The following SLIT1 variants were observed in gnomAD, a reference collection of about 807,000 sequenced individuals.
SLIT1 encodes the protein slit guidance ligand 1, also known as slit homolog 1 protein.
A neutral mutation model predicts 186.1 loss-of-function variants in SLIT1; 66 were observed. That is an observed-to-expected ratio of 0.35 (90% CI 0.29 to 0.44). The LOEUF (loss-of-function observed/expected upper bound fraction) is 0.44. Ranked by LOEUF, SLIT1 falls within the 20% of genes least tolerant of loss-of-function variation. The probability of loss-of-function intolerance (pLI) is 1.00; values close to 1 mark genes in which losing one functional copy is unlikely to be tolerated. For synonymous variants in SLIT1, 761 were observed against 833.8 expected (o/e 0.91, Z 1.50); for missense variants, 1,638 against 2,037.4 (o/e 0.80, Z 3.77).
chr10:97,135,591 C>T (rs954492071), intron 4 of SLIT1, among the ~76,000 whole-genome samples: 14 of 152,268 alleles, frequency 9.2e-5, no homozygotes, highest in African/African-American at 2.2e-4. Flanking sequence ...CCCGCTGGGC[C>T]GCCTGAGGCC....
rs918864988 is a variant in SLIT1, at chr10:97,002,224, C to G, written c.4300G>C (p.Ala1434Pro). 1.3e-6 allele frequency: 2 copies of G among 1,588,212 alleles called. No homozygotes were observed. The highest frequency in any genetic ancestry group is 1.7e-5 in the Admixed American group (1 of 57,596). ...GLQCLHGHCQ[A>P]SGTKGAHCVC... The stretch of plus-strand genomic sequence containing the variant: ...CAGTGTGCCCCCTTGGTGCCTGAGG[C>G]CTGGCAGTGGCCATGCAGGCACTGC... Residue 1434 changes from alanine (A) to proline (P), a missense_variant, in exon 36 of 37, where the codon GCC becomes CCC. Ala to Pro is a conservative substitution (Grantham distance 27, BLOSUM62 -1). Around this residue, in one of 3 missense-constraint regions of SLIT1, gnomAD observed 220 missense variants for 211.3 expected, o/e 1.04. Transcript: ENST00000266058.
At chr10:97,096,063 A>G (rs1589391182) in intron 4 of SLIT1, among the ~76,000 whole-genome samples, 1 of 152,046 alleles carries the variant, frequency 6.6e-6, no homozygotes, top group South Asian at 2.1e-4. Flanking sequence ...AGAATCTCTC[A>G]CCCTGAGTGA....
chr10:97,058,236 G>T (rs763730887), intron 11 of SLIT1: 218 of 620,066 alleles, frequency 3.5e-4, no homozygotes, highest in Non-Finnish European at 5.6e-4. Context: ...TGGAGCAGAG[G>T]GGGCAGGAAC....
At chr10:97,145,333 G>T (rs1849806080) in intron 4 of SLIT1, among the ~76,000 whole-genome samples, 1 of 152,100 alleles carries the variant, frequency 6.6e-6, no homozygotes, top group Non-Finnish European at 1.5e-5. Flanking sequence ...GGCCGGGATG[G>T]TCTCGAACTC....
intron 24 of SLIT1, among the ~76,000 whole-genome samples, chr10:97,031,404 C>T (rs921642849): frequency 1.3e-5 from 2 of 152,196 alleles, no homozygotes; most frequent in African/African-American, 4.8e-5. Context: ...GTGACAGCAA[C>T]CCCCATTTCT....
chr10:97,097,282 T>G (rs1043730632), intron 4 of SLIT1, among the ~76,000 whole-genome samples: 3 of 152,254 alleles, frequency 2.0e-5, no homozygotes, highest in Non-Finnish European at 4.4e-5. Context: ...GATTCACTGT[T>G]GTGTTTTATG....
chr10:97,146,151 C>A (rs1485634666), intron 4 of SLIT1, among the ~76,000 whole-genome samples: 1 of 152,204 alleles, frequency 6.6e-6, no homozygotes, highest in Non-Finnish European at 1.5e-5. Context: ...AGCCCCAAAT[C>A]AAAGACTACA....
chr10:97,177,980 A>C lies in SLIT1; in HGVS notation c.197+7498T>G, dbSNP rs190152948. On this transcript the variant is annotated intron_variant, in intron 1 of 36. Transcript: ENST00000266058. The stretch of plus-strand genomic sequence containing the variant: ...AACAGAGCAAAAACTCCATCTCAAA[A>C]AAACAAACAAACAAACAAACAAAAA... Among the ~76,000 whole-genome samples the C allele has an allele frequency of 2.2e-3, 342 of 152,280 alleles. 3 individuals carry two copies. The highest frequency in any genetic ancestry group is 0.017 in the Middle Eastern group (5 of 294).
intron 20 of SLIT1, among the ~76,000 whole-genome samples, chr10:97,042,688 G>A (rs1486326848): frequency 6.6e-6 from 1 of 152,086 alleles, no homozygotes; most frequent in Non-Finnish European, 1.5e-5. Flanking sequence ...ATTTTTTAAG[G>A]ATAGGAACTT....
chr10:97,035,916 C>T (rs1040525452), intron 22 of SLIT1, among the ~76,000 whole-genome samples: 5 of 152,170 alleles, frequency 3.3e-5, no homozygotes, highest in Admixed American at 1.3e-4. Context: ...ATGCCCTCCC[C>T]GCAAGCCGCC....
At chr10:97,160,811 C>T (rs1197056567) in intron 3 of SLIT1, among the ~76,000 whole-genome samples, 1 of 152,198 alleles carries the variant, frequency 6.6e-6, no homozygotes, top group Non-Finnish European at 1.5e-5. Context: ...ACCTCCGCCT[C>T]CCGGGTTCAA....
intron 13 of SLIT1, among the ~76,000 whole-genome samples, chr10:97,054,568 G>T (rs1848820818): frequency 6.6e-6 from 1 of 152,304 alleles, no homozygotes; most frequent in East Asian, 1.9e-4. Flanking sequence ...AAGGGAGACA[G>T]CCAGACATCT....
chr10:97,027,911 A>AG (rs758125879), intron 25 of SLIT1, among the ~76,000 whole-genome samples: 10 of 152,204 alleles, frequency 6.6e-5, no homozygotes, highest in East Asian at 5.8e-4. Context: ...AGATACATTA[A>AG]GGGGGGGCGG....
At chr10:97,077,912 C>A (rs1178366734) in intron 4 of SLIT1, among the ~76,000 whole-genome samples, 2 of 151,934 alleles carry the variant, frequency 1.3e-5, no homozygotes, top group African/African-American at 4.8e-5. Context: ...TTTGAGGCAA[C>A]CTGGGCAACA....
At chr10:97,156,606 A>G (rs562118356) in intron 4 of SLIT1, among the ~76,000 whole-genome samples, 38 of 152,288 alleles carry the variant, frequency 2.5e-4, no homozygotes, top group African/African-American at 8.7e-4. Flanking sequence ...TTTGAAGGTA[A>G]GATCAACAAC....
intron 4 of SLIT1, among the ~76,000 whole-genome samples, chr10:97,092,382 G>A (rs1849241387): frequency 6.6e-6 from 1 of 152,228 alleles, no homozygotes; most frequent in Non-Finnish European, 1.5e-5. Flanking sequence ...AGGTTAGCCT[G>A]CTAAAGTGGG....
rs151109154 is a variant in SLIT1, at chr10:97,025,552, C to T, written c.2583-4139G>A. Reference sequence around the variant, plus strand: ...TTCATCTGGGGACTATTTCTCCTGACGAAAACTCCTGTGAACTCAGTGGGG... The same window carrying T: ...TTCATCTGGGGACTATTTCTCCTGATGAAAACTCCTGTGAACTCAGTGGGG... On this transcript the variant is annotated intron_variant, in intron 25 of 36. Coordinates refer to ENST00000266058, the MANE Select transcript of SLIT1 (RefSeq NM_003061.3). Among the ~76,000 whole-genome samples the T allele has an allele frequency of 1.4e-4, 21 of 152,232 alleles. No homozygotes were observed. In the South Asian group the frequency reaches 2.9e-3, roughly 21 times the overall value.
At chr10:97,176,625 C>G (rs951466084) in intron 1 of SLIT1, among the ~76,000 whole-genome samples, 15 of 152,312 alleles carry the variant, frequency 9.8e-5, no homozygotes, top group African/African-American at 3.6e-4. Context: ...TACCAGTGAC[C>G]CCGATCTCGA....
intron 4 of SLIT1, among the ~76,000 whole-genome samples, chr10:97,123,245 G>T (rs1455145915): frequency 4.6e-5 from 7 of 151,998 alleles, no homozygotes; most frequent in African/African-American, 1.7e-4. Context: ...AGTCACACAT[G>T]TCAAGTAGCT....
Sources: gnomAD v4.1 joint callset for allele counts (sites outside exome capture counted in the v4.1 genomes callset) on GRCh38, gnomAD v4.1.1 for gene constraint, gnomAD v4.1.1 regional missense constraint, MANE v1.5 for transcripts, NCBI Gene and HGNC (gene_info 2026-07-23, HGNC 2026-07-21) for gene names.